The following FASTK variants were observed in gnomAD, a reference collection of about 807,000 sequenced individuals.
FASTK encodes Fas activated serine/threonine kinase.
A neutral mutation model predicts 60.0 loss-of-function variants in FASTK; 28 were observed. The observed-to-expected ratio is 0.47, with a 90% confidence interval of 0.35 to 0.64. The LOEUF (loss-of-function observed/expected upper bound fraction) is 0.64, where lower values mean the gene tolerates loss of function less well. Among genes scored for constraint, FASTK ranks in the 30% least tolerant of loss-of-function variants. The pLI is 0.01. For synonymous variants in FASTK, 325 were observed against 307.9 expected (o/e 1.06, Z -0.58); for missense variants, 595 against 713.8 (o/e 0.83, Z 1.90).
Position 151,077,358 on chromosome 7 carries a change from C to G in FASTK, c.1243G>C (p.Glu415Gln). The change falls in exon 7 of 10, where the codon GAG becomes CAG. Residue 415 changes from glutamate (E) to glutamine (Q), a missense_variant. By Grantham distance (29) the Glu-to-Gln change is conservative. Transcript: ENST00000297532. Reference sequence around the variant, plus strand: ...GTCAGGTCCTGGCGGTATTTCTCCTCCCCCAGCAGCTGGCGCAACCCCTCA... The same window carrying G: ...GTCAGGTCCTGGCGGTATTTCTCCTGCCCCAGCAGCTGGCGCAACCCCTCA... ...VAEGLRQLLG[E>Q]EKYRQDLTVP... is the part of the protein sequence containing the mutation. The G allele has an allele frequency of 6.2e-7, 1 of 1,612,852 alleles. No homozygotes were observed. The highest frequency in any genetic ancestry group is 8.5e-7 in the Non-Finnish European group (1 of 1,180,002).
Position 151,077,885 on chromosome 7 carries a change from T to A in FASTK, c.1033A>T (p.Ile345Phe). 6.2e-7 allele frequency: 1 copy of A among 1,613,086 alleles called. No homozygotes were observed. Among genetic ancestry groups the A allele is most frequent in the Non-Finnish European group, 8.5e-7 (1 of 1,179,448 alleles). The part of the protein sequence containing the change: ...FVFSPGFINY[I>F]SGTPHALIVR... ...AGCCATCCTGGCTGCGTACCACTGA[T>A]GTAGTTGATGAAGCCAGGGGAAAAA... is the stretch of plus-strand genomic sequence containing the variant. Residue 345 changes from isoleucine to phenylalanine, a missense_variant, in exon 5 of 10, where the codon ATC becomes TTC. Ile to Phe is a conservative substitution (Grantham distance 21, BLOSUM62 0). Around this residue, in one of 2 missense-constraint regions of FASTK, gnomAD observed 471 missense variants for 605.9 expected, o/e 0.78. Transcript: ENST00000297532.
At position 151,079,748 on chromosome 7, in the gene FASTK, T is replaced by A; in HGVS notation, c.257A>T (p.Gln86Leu). The A allele has an allele frequency of 1.9e-6, 3 of 1,600,394 alleles. No homozygotes were observed. The highest frequency in any genetic ancestry group is 2.6e-6 in the Non-Finnish European group (3 of 1,173,886). The part of the protein sequence containing the change: ...GPSAGPVQGL[Q>L]RLLEQAKSPG... ...GCTCTTCGCCTGTTCCAGAAGCCGC[T>A]GCAGTCCTTGCACAGGACCTGCACT... is the stretch of plus-strand genomic sequence containing the variant. The change falls in exon 2 of 10, where the codon CAG becomes CTG. Residue 86 changes from glutamine to leucine, a missense_variant. Gln to Leu is a moderately radical substitution (Grantham distance 113, BLOSUM62 -2). Transcript: ENST00000297532.
chr7:151,076,692 TG>T lies in FASTK; in HGVS notation c.*32del, dbSNP rs778882914. ...CAAAGTGCAAATCATCCACCCCCCATGGGGGGGCCATCCTGAACCCCACATC... is the reference window on the plus strand; with the variant it reads ...CAAAGTGCAAATCATCCACCCCCCATGGGGGGCCATCCTGAACCCCACATC... On this transcript the variant is annotated 3_prime_UTR_variant, in exon 10 of 10. Transcript: ENST00000297532. The T allele has an allele frequency of 1.5e-5, 21 of 1,370,784 alleles. No homozygotes were observed. Among genetic ancestry groups the T allele is most frequent in the Admixed American group, 9.6e-5 (4 of 41,588 alleles). 84.9% of individuals were successfully genotyped at this position (1,370,784 alleles called of 1,614,324 possible).
chr7:151,078,464 T>C (rs985461369), intron 4 of FASTK, 98 bp downstream of exon 4: 67 of 1,379,118 alleles, frequency 4.9e-5, no homozygotes, highest in Non-Finnish European at 6.5e-5. Context: ...AGGGTGTGTC[T>C]GCTTCAGGAA....
chr7:151,079,696 G>A lies in FASTK; in HGVS notation c.309C>T (p.Gly103=). The A allele has an allele frequency of 6.2e-7, 1 of 1,604,194 alleles. No homozygotes were observed. Among genetic ancestry groups the A allele is most frequent in the Non-Finnish European group, 8.5e-7 (1 of 1,176,032 alleles). ...GGGCGCGCACCTTGCTGGGGTTCTG[G>A]CCCAGCCAGCGCAGCAGCTCCCCAG... is the stretch of plus-strand genomic sequence containing the variant. ...KSPGELLRWL[G]QNPSKVRAHH... is the part of the protein sequence containing the mutation. The change falls in exon 2 of 10, where the codon GGC becomes GGT. Residue 103 remains glycine, a synonymous_variant. Coordinates refer to ENST00000297532, the MANE Select transcript of FASTK (RefSeq NM_006712.5).
At chr7:151,077,520 G>A in intron 6 of FASTK, 101 bp downstream of exon 6, 1 of 1,502,400 alleles carries the variant, frequency 6.7e-7, no homozygotes, top group Non-Finnish European at 9.0e-7. Flanking sequence ...TTTTATGGTG[G>A]CCGAGAGCTC....
intron 2 of FASTK, 164 bp from the exon 3 acceptor site, chr7:151,079,185 G>A: frequency 3.1e-6 from 2 of 646,770 alleles, no homozygotes; most frequent in South Asian, 2.5e-5. Flanking sequence ...GTATCATGTG[G>A]CTATGAGGTA....
intron 4 of FASTK, 91 bp from the exon 5 acceptor site, chr7:151,078,183 T>C (rs1194581661): frequency 2.3e-5 from 22 of 960,076 alleles, no homozygotes; most frequent in Non-Finnish European, 3.5e-5. Flanking sequence ...AGCCCTCAGG[T>C]TTACAACACT....
At position 151,077,993 on chromosome 7, in the gene FASTK, C is replaced by T; in HGVS notation, c.925G>A (p.Gly309Arg). 6.2e-7 allele frequency: 1 copy of T among 1,612,980 alleles called. No homozygotes were observed. The highest frequency in any genetic ancestry group is 8.5e-7 in the Non-Finnish European group (1 of 1,179,242). Reference sequence around the variant, plus strand: ...TTGACTGTAGCCAGGGGTGCCACCCCTGCTTCCCGAGCCAGGATCCTCTCA... The same window carrying T: ...TTGACTGTAGCCAGGGGTGCCACCCTTGCTTCCCGAGCCAGGATCCTCTCA... The part of the protein sequence containing the change: ...CLERILAREA[G>R]VAPLATVNIL... The change falls in exon 5 of 10, where the codon GGG becomes AGG. Residue 309 changes from glycine to arginine, a missense_variant. By Grantham distance (125) the Gly-to-Arg change is moderately radical. Transcript: ENST00000297532.
chr7:151,080,367 G>T (rs34104727), intron 1 of FASTK: 4 of 781,214 alleles, frequency 5.1e-6, no homozygotes, highest in African/African-American at 1.8e-5. Flanking sequence ...AGGCGGCGGC[G>T]GCACAGAGGG....
At chr7:151,078,449 CAGAG>C (rs1797790871) in intron 4 of FASTK, 109 bp downstream of exon 4, 4 of 1,207,128 alleles carry the variant, frequency 3.3e-6, no homozygotes, top group Non-Finnish European at 4.7e-6. Context: ...TCCCAGGGGA[CAGAG>C]AGGGTGTGTC....
In FASTK at chr7:151,076,642, A is replaced by C; in HGVS notation, c.*83T>G. The C allele has an allele frequency of 1.0e-6, 1 of 956,384 alleles. No individual in the cohort carries two copies. Among genetic ancestry groups the C allele is most frequent in the Non-Finnish European group, 1.5e-6 (1 of 651,980 alleles). 59.2% of individuals were successfully genotyped at this position (956,384 alleles called of 1,614,324 possible). A position where few individuals can be genotyped will look rare whatever the true frequency, so the allele number is the denominator to read the frequency against. On this transcript the variant is annotated 3_prime_UTR_variant, in exon 10 of 10. Coordinates refer to ENST00000297532, the MANE Select transcript of FASTK (RefSeq NM_006712.5). Reference sequence around the variant, plus strand: ...CACAACGGGGAAGGAAAGGAACTTTAATGAGAAATCAAAACACAGGGAACC... The same window carrying C: ...CACAACGGGGAAGGAAAGGAACTTTCATGAGAAATCAAAACACAGGGAACC...
Position 151,077,779 on chromosome 7 carries a change from G to A in FASTK, c.1041C>T (p.Gly347=). Residue 347 remains glycine, a splice_region_variant and synonymous_variant, in exon 6 of 10, where the codon GGC becomes GGT. Coordinates refer to ENST00000297532, the MANE Select transcript of FASTK (RefSeq NM_006712.5). ...FSPGFINYIS[G]TPHALIVRRY... ...GACGCACAATCAGAGCATGAGGGGT[G>A]CCTGTGGGGAGGCGGGGACTGGGGC... is the stretch of plus-strand genomic sequence containing the variant. 5.0e-6 allele frequency: 8 copies of A among 1,595,296 alleles called. No individual in the cohort carries two copies. The highest frequency in any genetic ancestry group is 6.0e-6 in the Non-Finnish European group (7 of 1,167,014).
Position 151,076,680 on chromosome 7 carries a change from A to G in FASTK, c.*45T>C. On this transcript the variant is annotated 3_prime_UTR_variant, in exon 10 of 10. Transcript: ENST00000297532. Reference sequence around the variant, plus strand: ...AACACAGGGAACCAAAGTGCAAATCATCCACCCCCCATGGGGGGGCCATCC... The same window carrying G: ...AACACAGGGAACCAAAGTGCAAATCGTCCACCCCCCATGGGGGGGCCATCC... 1 of 1,259,602 alleles carries G rather than the reference A, an allele frequency of 7.9e-7. No individual in the cohort carries two copies. The highest frequency in any genetic ancestry group is 2.5e-5 in the East Asian group (1 of 40,178). 78.0% of individuals were successfully genotyped at this position (1,259,602 alleles called of 1,614,324 possible).
intron 1 of FASTK, chr7:151,080,460 G>A: frequency 4.0e-6 from 5 of 1,263,164 alleles, no homozygotes; most frequent in Non-Finnish European, 4.0e-6. Context: ...TTGGACAAGT[G>A]GCTTCGTCTC....
intron 3 of FASTK, 46 bp from the exon 4 acceptor site, chr7:151,078,747 C>A (rs757008389): frequency 1.2e-6 from 2 of 1,611,212 alleles, no homozygotes; most frequent in East Asian, 4.5e-5. Context: ...GGACCTCCGG[C>A]TGGCTCAATT....
chr7:151,080,400 G>C, intron 1 of FASTK: 4 of 1,074,400 alleles, frequency 3.7e-6, no homozygotes, highest in South Asian at 6.9e-5. Flanking sequence ...TCCGCGGCTG[G>C]ACGGTGCTGG....
Position 151,080,396 on chromosome 7 carries a change from G to A in FASTK, c.82+289C>T, listed in dbSNP as rs553510230. On this transcript the variant is annotated intron_variant, in intron 1 of 9. Coordinates refer to ENST00000297532, the MANE Select transcript of FASTK (RefSeq NM_006712.5). ...CAGAGGGTGGAACGCGGGCTCCGCGGCTGGACGGTGCTGGGTTCCATGCTG... is the reference window on the plus strand; with the variant it reads ...CAGAGGGTGGAACGCGGGCTCCGCGACTGGACGGTGCTGGGTTCCATGCTG... The A allele has an allele frequency of 3.2e-5, 33 of 1,044,756 alleles. No individual in the cohort carries two copies. In the Middle Eastern group the frequency reaches 1.4e-3, roughly 45 times the overall value. 64.7% of individuals were successfully genotyped at this position (1,044,756 alleles called of 1,614,324 possible).
chr7:151,079,372 G>T (rs929350731), intron 2 of FASTK, 128 bp downstream of exon 2: 2 of 897,648 alleles, frequency 2.2e-6, no homozygotes, highest in African/African-American at 1.7e-5. Flanking sequence ...GACATAGGAC[G>T]GGAGCAGGAG....
Sources: allele counts gnomAD v4.1 joint callset, GRCh38; gene constraint gnomAD v4.1.1; regional missense constraint gnomAD v4.1.1; transcripts MANE v1.5; gene names NCBI Gene and HGNC (gene_info 2026-07-23, HGNC 2026-07-21).